The following XIRP2 variants were observed in gnomAD, a reference collection of about 807,000 sequenced individuals.
The protein encoded by XIRP2 is xin actin binding repeat containing 2.
XIRP2 carries 236 observed loss-of-function variants against 277.0 expected under a neutral mutation model. The observed-to-expected ratio is 0.85, with a 90% CI of 0.77 to 0.95. The LOEUF (loss-of-function observed/expected upper bound fraction) is 0.95, where lower values mean the gene tolerates loss of function less well. Among genes scored for constraint, XIRP2 ranks in the 40% least tolerant of loss-of-function variants. The probability of loss-of-function intolerance (pLI) is 0.00; values close to 1 mark genes in which losing one functional copy is unlikely to be tolerated. For missense variants in XIRP2, 4,640 were observed against 4,157.5 expected (o/e 1.12, Z -3.19); for synonymous variants, 1,490 against 1,416.5 (o/e 1.05, Z -1.17).
intron 2 of XIRP2, among the ~76,000 whole-genome samples, chr2:167,060,446 T>C (rs1336399762): frequency 6.6e-6 from 1 of 152,196 alleles, no homozygotes; most frequent in African/African-American, 2.4e-5. Context: ...AGGGAAAGTA[T>C]TTTTCCCCTG....
chr2:167,027,968 A>G (rs1386116076), intron 2 of XIRP2, among the ~76,000 whole-genome samples: 1 of 152,080 alleles, frequency 6.6e-6, no homozygotes, highest in Non-Finnish European at 1.5e-5. Context: ...GAGAAGAGGC[A>G]TCACACACTG....
intron 2 of XIRP2, among the ~76,000 whole-genome samples, chr2:166,964,970 A>G (rs948251982): frequency 1.6e-4 from 24 of 151,840 alleles, no homozygotes; most frequent in African/African-American, 5.8e-4. Flanking sequence ...TCTGCTGATC[A>G]TCGTCTTTAA....
At chr2:166,938,998 G>T (rs1316261303) in intron 2 of XIRP2, among the ~76,000 whole-genome samples, 1 of 152,064 alleles carries the variant, frequency 6.6e-6, no homozygotes, top group Non-Finnish European at 1.5e-5. Context: ...TGCACATGAG[G>T]TGGGTCTCCT....
chr2:167,129,953 G>T (rs751920431), intron 2 of XIRP2, among the ~76,000 whole-genome samples: 1 of 151,168 alleles, frequency 6.6e-6, no homozygotes, highest in Non-Finnish European at 1.5e-5. Context: ...TGCTTTCCTC[G>T]TTTTGAAGAG....
At chr2:167,080,772 A>G (rs115311969) in intron 2 of XIRP2, among the ~76,000 whole-genome samples, 3,192 of 152,278 alleles carry the variant, frequency 0.021, 72 homozygotes, top group South Asian at 0.058. Context: ...CCCTATAAGA[A>G]AGAATAATTT....
intron 1 of XIRP2, among the ~76,000 whole-genome samples, chr2:166,895,519 A>T (rs1307158873): frequency 6.6e-6 from 1 of 152,206 alleles, no homozygotes; most frequent in African/African-American, 2.4e-5. Flanking sequence ...GAAGTAAATT[A>T]TATGTAAATC....
intron 2 of XIRP2, among the ~76,000 whole-genome samples, chr2:167,092,429 A>G (rs935200515): frequency 2.6e-5 from 4 of 152,128 alleles, no homozygotes; most frequent in Non-Finnish European, 5.9e-5. Flanking sequence ...ACAGAGCTAC[A>G]CAATAGCAAC....
intron 2 of XIRP2, among the ~76,000 whole-genome samples, chr2:167,024,454 C>T (rs1688090355): frequency 6.6e-6 from 1 of 152,172 alleles, no homozygotes; most frequent in East Asian, 1.9e-4. Flanking sequence ...TTTCCTTCTC[C>T]TGCCTAACTG....
chr2:167,193,984 T>C (rs1693426771), intron 3 of XIRP2, among the ~76,000 whole-genome samples: 1 of 152,108 alleles, frequency 6.6e-6, no homozygotes, highest in Non-Finnish European at 1.5e-5. Context: ...TAGCACAAGT[T>C]TCCTATAGGC....
At chr2:167,017,653 T>C (rs1039191213) in intron 2 of XIRP2, among the ~76,000 whole-genome samples, 4 of 151,998 alleles carry the variant, frequency 2.6e-5, no homozygotes, top group Non-Finnish European at 5.9e-5. Context: ...ATGCCATTCC[T>C]GCTTCCACCT....
intron 3 of XIRP2, among the ~76,000 whole-genome samples, chr2:167,150,612 CTGAGATGTAT>C (rs1691989268): frequency 6.6e-6 from 1 of 151,840 alleles, no homozygotes; most frequent in East Asian, 1.9e-4. Context: ...TAGGAAGTGT[CTGAGATGTAT>C]TGATATGTTG....
chr2:167,100,402 C>T (rs539050109), intron 2 of XIRP2, among the ~76,000 whole-genome samples: 2 of 152,038 alleles, frequency 1.3e-5, no homozygotes, highest in African/African-American at 2.4e-5. Context: ...GTAACTATTG[C>T]TTAGAGATTG....
chr2:167,073,529 G>C (rs1689487120), intron 2 of XIRP2, among the ~76,000 whole-genome samples: 1 of 151,924 alleles, frequency 6.6e-6, no homozygotes, highest in Non-Finnish European at 1.5e-5. Context: ...CTTGAGCTTT[G>C]AAGTCCTGAC....
chr2:167,041,552 T>C (rs1688661051), intron 2 of XIRP2, among the ~76,000 whole-genome samples: 1 of 152,148 alleles, frequency 6.6e-6, no homozygotes, highest in Non-Finnish European at 1.5e-5. Context: ...CAGCATAGAA[T>C]AGACCAGGCT....
intron 2 of XIRP2, among the ~76,000 whole-genome samples, chr2:167,078,264 T>A (rs1689625708): frequency 6.6e-6 from 1 of 152,216 alleles, no homozygotes; most frequent in Admixed American, 6.5e-5. Context: ...CATTCTTGAT[T>A]TAGCTCTCAG....
chr2:167,055,162 A>G (rs964434964), intron 2 of XIRP2, among the ~76,000 whole-genome samples: 10 of 152,282 alleles, frequency 6.6e-5, no homozygotes, highest in African/African-American at 2.4e-4. Flanking sequence ...GTACCTTAGT[A>G]TTTTGTAAAA....
chr2:167,035,199 T>C (rs1688477413), intron 2 of XIRP2, among the ~76,000 whole-genome samples: 1 of 152,132 alleles, frequency 6.6e-6, no homozygotes, highest in Admixed American at 6.6e-5. Flanking sequence ...AGTGGGGTGC[T>C]TGCTGTAGAT....
chr2:167,182,856 A>G (rs527290962), intron 3 of XIRP2, among the ~76,000 whole-genome samples: 1 of 152,326 alleles, frequency 6.6e-6, no homozygotes, highest in African/African-American at 2.4e-5. Flanking sequence ...TTTATTGGAA[A>G]GTTTTTATAT....
At chr2:166,996,864 C>A (rs1394450711) in intron 2 of XIRP2, among the ~76,000 whole-genome samples, 1 of 152,112 alleles carries the variant, frequency 6.6e-6, no homozygotes, top group East Asian at 1.9e-4. Flanking sequence ...CAGATCCCAC[C>A]TCTGTTTCGA....
Sources: allele counts gnomAD v4.1 joint callset (sites outside exome capture counted in the v4.1 genomes callset), GRCh38; gene constraint gnomAD v4.1.1; transcripts MANE v1.5; gene names NCBI Gene and HGNC (gene_info 2026-07-23, HGNC 2026-07-21).